ZNF592: variants seen among roughly 807,000 people sequenced by gnomAD.
ZNF592 encodes the protein spinocerebellar ataxia, autosomal recessive 5.
Under a neutral mutation model 80.3 loss-of-function variants are expected in ZNF592, and 11 were observed. The observed-to-expected ratio is 0.14, with a 90% CI of 0.09 to 0.23. The LOEUF (loss-of-function observed/expected upper bound fraction) is 0.23. Among genes scored for constraint, ZNF592 ranks in the 10% least tolerant of loss-of-function variants. The pLI is 1.00. For missense variants in ZNF592, 1,420 were observed against 1,633.9 expected (o/e 0.87, Z 2.26); for synonymous variants, 646 against 640.3 (o/e 1.01, Z -0.13).
chr15:84,777,694 CTTTTTTTTT>C (rs397854471), intron 2 of ZNF592, among the ~76,000 whole-genome samples: 11 of 98,428 alleles, frequency 1.1e-4, no homozygotes, highest in Admixed American at 8.6e-4. Flanking sequence ...TGTTGAGATA[CTTTTTTTTT>C]TTTTTTTTTT....
chr15:84,795,806 A>G (rs1962878203), intron 5 of ZNF592, among the ~76,000 whole-genome samples: 1 of 152,168 alleles, frequency 6.6e-6, no homozygotes, highest in Non-Finnish European at 1.5e-5. Flanking sequence ...TGTGGAGTTT[A>G]TCACAAAAAG....
intron 1 of ZNF592, among the ~76,000 whole-genome samples, chr15:84,750,445 C>T (rs1898982124): frequency 6.6e-6 from 1 of 151,886 alleles, no homozygotes; most frequent in African/African-American, 2.4e-5. Context: ...GGGGAGAAGA[C>T]AATAAATAAA....
intron 10 of ZNF592, 63 bp downstream of exon 10, chr15:84,800,040 A>T (rs1178332765): frequency 1.9e-6 from 3 of 1,611,792 alleles, no homozygotes; most frequent in Non-Finnish European, 2.5e-6. Context: ...CTGGAAGGGC[A>T]TTAGGAAGGC....
intron 1 of ZNF592, among the ~76,000 whole-genome samples, chr15:84,761,925 T>C (rs144096755): frequency 1.9e-4 from 29 of 152,386 alleles, no homozygotes; most frequent in African/African-American, 6.7e-4. Flanking sequence ...GAAATACTTA[T>C]TTCTGAAAGT....
chr15:84,772,051 G>C (rs1420761925), intron 2 of ZNF592, among the ~76,000 whole-genome samples: 1 of 152,148 alleles, frequency 6.6e-6, no homozygotes, highest in Non-Finnish European at 1.5e-5. Flanking sequence ...CTTCACACAA[G>C]TAACTATTGA....
rs1963173780 is a variant in ZNF592, at chr15:84,803,989, A to G, written c.*1596A>G. 1 of 152,254 alleles carries G rather than the reference A, an allele frequency of 6.6e-6. No homozygotes were observed. The highest frequency in any genetic ancestry group is 2.4e-5 in the African/African-American group (1 of 41,474). 9.4% of individuals were successfully genotyped at this position (152,254 alleles called of 1,614,324 possible). A position where few individuals can be genotyped will look rare whatever the true frequency, so the allele number is the denominator to read the frequency against. On this transcript the variant is annotated 3_prime_UTR_variant, in exon 11 of 11. Transcript: ENST00000560079. ...AATATCAATTATAAATTATTAAGTC[A>G]GATAAATATGCCTGACCTTTTCACA...
At chr15:84,778,970 G>A (rs946395724) in intron 3 of ZNF592, among the ~76,000 whole-genome samples, 1 of 152,128 alleles carries the variant, frequency 6.6e-6, no homozygotes, top group Non-Finnish European at 1.5e-5. Flanking sequence ...TCCTCATGCC[G>A]GTTTAGAGAA....
intron 2 of ZNF592, among the ~76,000 whole-genome samples, chr15:84,766,701 GAA>G (rs1332173741): frequency 7.2e-6 from 1 of 138,096 alleles, no homozygotes; most frequent in East Asian, 2.1e-4. Context: ...GAGAGGATGA[GAA>G]AGAGTGTGTG....
At chr15:84,764,872 G>A (rs966117166) in intron 2 of ZNF592, 57 bp downstream of exon 2, 3 of 391,912 alleles carry the variant, frequency 7.7e-6, no homozygotes, top group Non-Finnish European at 1.3e-5. Context: ...TTGAACATGA[G>A]ATTTTTTTGT....
At chr15:84,761,691 G>A (rs1469783606) in intron 1 of ZNF592, among the ~76,000 whole-genome samples, 8 of 152,184 alleles carry the variant, frequency 5.3e-5, no homozygotes, top group Non-Finnish European at 1.5e-5. Context: ...TGTAATCCCA[G>A]GAGAGGAGCC....
chr15:84,755,550 G>A (rs1044261832), intron 1 of ZNF592, among the ~76,000 whole-genome samples: 5 of 152,160 alleles, frequency 3.3e-5, no homozygotes, highest in African/African-American at 1.2e-4. Context: ...GAATAGACTT[G>A]CTTCTCTGTA....
intron 10 of ZNF592, among the ~76,000 whole-genome samples, chr15:84,800,444 C>G (rs192200047): frequency 6.3e-4 from 96 of 152,270 alleles, no homozygotes; most frequent in Non-Finnish European, 1.2e-3. Flanking sequence ...CATCCCTGTT[C>G]CATGCCCTAT....
At chr15:84,775,326 C>T (rs1962212219) in intron 2 of ZNF592, among the ~76,000 whole-genome samples, 1 of 152,116 alleles carries the variant, frequency 6.6e-6, no homozygotes, top group South Asian at 2.1e-4. Context: ...GAACTCCTGA[C>T]CTCAAGCGAT....
At position 84,802,636 on chromosome 15, in the gene ZNF592, T is replaced by A; in HGVS notation, c.*243T>A. On this transcript the variant is annotated 3_prime_UTR_variant, in exon 11 of 11. Coordinates refer to ENST00000560079, the MANE Select transcript of ZNF592 (RefSeq NM_014630.3). Reference sequence around the variant, plus strand: ...TTTATGGCTTTTCGCTGCTTCTTGGTGCCCCATCTCTTGTCTGTGTCCTTC... The same window carrying A: ...TTTATGGCTTTTCGCTGCTTCTTGGAGCCCCATCTCTTGTCTGTGTCCTTC... The A allele has an allele frequency of 1.8e-6, 1 of 570,022 alleles. No individual in the cohort carries two copies. Among genetic ancestry groups the A allele is most frequent in the Non-Finnish European group, 3.1e-6 (1 of 318,050 alleles). 35.3% of individuals were successfully genotyped at this position (570,022 alleles called of 1,614,324 possible).
At chr15:84,773,753 A>G (rs756548464) in intron 2 of ZNF592, among the ~76,000 whole-genome samples, 15 of 151,956 alleles carry the variant, frequency 9.9e-5, no homozygotes, top group Non-Finnish European at 2.1e-4. Context: ...AAAAAAAAAA[A>G]TAGAGCTCTA....
chr15:84,784,083 C>T lies in ZNF592; in HGVS notation c.1408C>T (p.Pro470Ser), dbSNP rs1465312589. Residue 470 changes from proline to serine, a missense_variant, in exon 4 of 11, where the codon CCA becomes TCA. Coordinates refer to ENST00000560079, the MANE Select transcript of ZNF592 (RefSeq NM_014630.3). The surrounding 1 kb of genome is among the most constrained non-coding windows in gnomAD (Gnocchi z 5.8). Reference protein sequence around the residue: ...SPSCSSGPRVPKGAAPGSQTG... With the variant: ...SPSCSSGPRVSKGAAPGSQTG... The stretch of plus-strand genomic sequence containing the variant: ...CAGCTGCAGTTCTGGGCCCCGGGTC[C>T]CAAAGGGGGCTGCCCCAGGCTCACA... The T allele has an allele frequency of 3.1e-6, 5 of 1,613,950 alleles. No individual in the cohort carries two copies. The African/African-American group carries it at 6.7e-5, about 22-fold the overall frequency.
At position 84,802,703 on chromosome 15, in the gene ZNF592, A is replaced by G; in HGVS notation, c.*310A>G. 4.6e-6 allele frequency: 2 copies of G among 437,916 alleles called. No homozygotes were observed. Among genetic ancestry groups the G allele is most frequent in the Non-Finnish European group, 8.5e-6 (2 of 235,394 alleles). 27.1% of individuals were successfully genotyped at this position (437,916 alleles called of 1,614,324 possible). On this transcript the variant is annotated 3_prime_UTR_variant, in exon 11 of 11. Coordinates refer to ENST00000560079, the MANE Select transcript of ZNF592 (RefSeq NM_014630.3). ...ATGTGGCCCAACCCCACTGCTGTCA[A>G]CTAGGCTTGAACCCCACAGCGGCTG...
intron 10 of ZNF592, 95 bp downstream of exon 10, chr15:84,800,072 A>G: frequency 1.3e-6 from 2 of 1,581,686 alleles, no homozygotes; most frequent in Non-Finnish European, 1.7e-6. Context: ...CCATGGAACA[A>G]CCAGAGTGAC....
chr15:84,778,288 C>A lies in ZNF592; in HGVS notation c.-44C>A. On this transcript the variant is annotated 5_prime_UTR_variant, in exon 3 of 11. Coordinates refer to ENST00000560079, the MANE Select transcript of ZNF592 (RefSeq NM_014630.3). ...GGCTCCAAAGCCGAAAGAGGAGGTC[C>A]CTACCTGCCACGGATACCAGTCAGG... 1 of 280,930 alleles carries A rather than the reference C, an allele frequency of 3.6e-6. No individual in the cohort carries two copies. The highest frequency in any genetic ancestry group is 7.1e-6 in the Non-Finnish European group (1 of 140,836). The allele number at this position is 280,930 out of a possible 1,614,324, so 17.4% of individuals were successfully genotyped here. A position where few individuals can be genotyped will look rare whatever the true frequency, so the allele number is the denominator to read the frequency against.
Sources: allele counts gnomAD v4.1 joint callset (sites outside exome capture counted in the v4.1 genomes callset), GRCh38; gene constraint gnomAD v4.1.1; non-coding constraint Gnocchi (gnomAD v3.1); transcripts MANE v1.5; gene names NCBI Gene and HGNC (gene_info 2026-07-23, HGNC 2026-07-21).